OR4F15: variants seen among roughly 807,000 people sequenced by gnomAD.
OR4F15 encodes the protein olfactory receptor 4F15.
A neutral mutation model predicts 11.9 loss-of-function variants in OR4F15; 7 were observed. That is an observed-to-expected ratio of 0.59 (90% CI 0.33 to 1.10). The LOEUF (loss-of-function observed/expected upper bound fraction) is 1.10, where lower values mean the gene tolerates loss of function less well. Among genes scored for constraint, OR4F15 ranks in the 50% least tolerant of loss-of-function variants. The pLI, the probability that OR4F15 is intolerant of heterozygous loss-of-function variation, is 0.03. For synonymous variants in OR4F15, 151 were observed against 134.6 expected (o/e 1.12, Z -0.84); for missense variants, 445 against 377.5 (o/e 1.18, Z -1.48).
Position 101,818,825 on chromosome 15 carries a change from G to T in OR4F15, c.639G>T (p.Leu213Phe), listed in dbSNP as rs761079285. Residue 213 changes from leucine (L) to phenylalanine (F), a missense_variant, in exon 2 of 2, where the codon TTG (leucine) becomes TTT (phenylalanine). Transcript: ENST00000332238. ...SGLISVGSFV[L>F]LVISYIFILF... is the part of the protein sequence containing the mutation. The stretch of plus-strand genomic sequence containing the variant: ...TCATTTCTGTGGGCTCCTTTGTCTT[G>T]CTGGTAATTTCCTACATCTTCATTC... 1 of 1,614,076 alleles carries T rather than the reference G, an allele frequency of 6.2e-7. No individual in the cohort carries two copies. Among genetic ancestry groups the T allele is most frequent in the South Asian group, 1.1e-5 (1 of 91,074 alleles).
chr15:101,819,698 G>C lies in OR4F15; in HGVS notation c.*573G>C, dbSNP rs1473343915. On this transcript the variant is annotated 3_prime_UTR_variant, in exon 2 of 2. Coordinates refer to ENST00000332238, the MANE Select transcript of OR4F15 (RefSeq NM_001001674.2). ...CTGGCTAATTTTTGTATTTTTAGTA[G>C]AGATGGAGTTTCACCATGTTGGCCA... The C allele has an allele frequency of 6.6e-6, 1 of 152,650 alleles. No individual in the cohort carries two copies. The highest frequency in any genetic ancestry group is 1.5e-5 in the Non-Finnish European group (1 of 68,444). 9.5% of individuals were successfully genotyped at this position (152,650 alleles called of 1,614,324 possible). A position where few individuals can be genotyped will look rare whatever the true frequency, so the allele number is the denominator to read the frequency against.
intron 1 of OR4F15, among the ~76,000 whole-genome samples, chr15:101,816,407 A>T (rs1273782828): frequency 1.3e-5 from 2 of 152,172 alleles, no homozygotes; most frequent in Non-Finnish European, 2.9e-5. Context: ...CCTTGATTTT[A>T]GCTCTGAAAA....
chr15:101,817,025 G>A (rs1567111737), intron 1 of OR4F15, among the ~76,000 whole-genome samples: 1 of 152,058 alleles, frequency 6.6e-6, no homozygotes, highest in African/African-American at 2.4e-5. Flanking sequence ...GTATCCTCTA[G>A]GGGTGTATTA....
chr15:101,818,813 C>G lies in OR4F15; in HGVS notation c.627C>G (p.Gly209=). ...TCAATAGTGGACTCATTTCTGTGGGCTCCTTTGTCTTGCTGGTAATTTCCT... is the reference window on the plus strand; with the variant it reads ...TCAATAGTGGACTCATTTCTGTGGGGTCCTTTGTCTTGCTGGTAATTTCCT... ...VTVNSGLISV[G]SFVLLVISYI... The change falls in exon 2 of 2, where the codon GGC becomes GGG. Residue 209 remains glycine, a synonymous_variant. Coordinates refer to ENST00000332238, the MANE Select transcript of OR4F15 (RefSeq NM_001001674.2). The G allele has an allele frequency of 6.2e-7, 1 of 1,614,082 alleles. No homozygotes were observed. The highest frequency in any genetic ancestry group is 1.3e-5 in the African/African-American group (1 of 75,018).
In OR4F15 at chr15:101,819,251, A is replaced by T. The variant is rs1903061794; in HGVS notation, c.*126A>T. 2.2e-5 allele frequency: 14 copies of T among 635,838 alleles called. No individual in the cohort carries two copies. In the South Asian group the frequency reaches 2.8e-4, roughly 13 times the overall value. The allele number at this position is 635,838 out of a possible 1,614,324, so 39.4% of individuals were successfully genotyped here. ...TATATGCCTGAAAATTTATGAAATC[A>T]TGGTAACAATTTCACCATTAAATTA... is the stretch of plus-strand genomic sequence containing the variant. On this transcript the variant is annotated 3_prime_UTR_variant, in exon 2 of 2. Coordinates refer to ENST00000332238, the MANE Select transcript of OR4F15 (RefSeq NM_001001674.2).
At chr15:101,814,117 C>A (rs1272751933) in intron 1 of OR4F15, among the ~76,000 whole-genome samples, 1 of 152,188 alleles carries the variant, frequency 6.6e-6, no homozygotes, top group Non-Finnish European at 1.5e-5. Context: ...ATTTTTAGAT[C>A]TGCTGCCATT....
Position 101,818,588 on chromosome 15 carries a change from C to A in OR4F15, c.402C>A (p.Thr134=), listed in dbSNP as rs769715733. 1 of 1,614,200 alleles carries A rather than the reference C, an allele frequency of 6.2e-7. No homozygotes were observed. The highest frequency in any genetic ancestry group is 8.5e-7 in the Non-Finnish European group (1 of 1,180,044). ...TATGTAAACCTCTCCACTACCTGACCATCATGAGCCCAAGAATGTGTCTAT... is the reference window on the plus strand; with the variant it reads ...TATGTAAACCTCTCCACTACCTGACAATCATGAGCCCAAGAATGTGTCTAT... ...MAICKPLHYL[T]IMSPRMCLYF... is the part of the protein sequence containing the mutation. Residue 134 remains threonine (T), a synonymous_variant, in exon 2 of 2, where the codon ACC becomes ACA. Transcript: ENST00000332238.
chr15:101,816,334 C>G (rs1313010420), intron 1 of OR4F15, among the ~76,000 whole-genome samples: 1 of 152,070 alleles, frequency 6.6e-6, no homozygotes, highest in African/African-American at 2.4e-5. Flanking sequence ...CCTCTAGAAG[C>G]TGGAAAAGGC....
chr15:101,813,716 G>T (rs939510274), intron 1 of OR4F15, among the ~76,000 whole-genome samples: 6 of 152,126 alleles, frequency 3.9e-5, no homozygotes, highest in Non-Finnish European at 7.3e-5. Context: ...AAAATGTAGT[G>T]ATCATAAATC....
intron 1 of OR4F15, among the ~76,000 whole-genome samples, chr15:101,816,456 G>C (rs1347175211): frequency 6.6e-6 from 1 of 151,942 alleles, no homozygotes; most frequent in East Asian, 1.9e-4. Flanking sequence ...CTCATCTTAG[G>C]CTTCTTTACT....
In OR4F15 at chr15:101,819,117, A is replaced by T; in HGVS notation, c.931A>T (p.Ile311Phe). 1 of 1,594,988 alleles carries T rather than the reference A, an allele frequency of 6.3e-7. No homozygotes were observed. Among genetic ancestry groups the T allele is most frequent in the South Asian group, 1.1e-5 (1 of 88,992 alleles). Residue 311 changes from isoleucine to phenylalanine, a missense_variant, in exon 2 of 2, where the codon ATT (isoleucine) becomes TTT (phenylalanine). Coordinates refer to ENST00000332238, the MANE Select transcript of OR4F15 (RefSeq NM_001001674.2). ...LCSRLAHFTK[I>F]L ...CAGTCGTCTTGCGCATTTTACAAAG[A>T]TTTTGTAAATGGCTTGGCTGTCAAG... is the stretch of plus-strand genomic sequence containing the variant.
At position 101,819,070 on chromosome 15, in the gene OR4F15, A is replaced by C; in HGVS notation, c.884A>C (p.Lys295Thr). Residue 295 changes from lysine to threonine, a missense_variant, in exon 2 of 2, where the codon AAA (lysine) becomes ACA (threonine). By Grantham distance (78) the Lys-to-Thr change is moderately conservative. Transcript: ENST00000332238. The part of the protein sequence containing the change: ...VIYTFRNKDM[K>T]VAMRRLCSRL... ...TACACATTCAGGAACAAAGACATGA[A>C]AGTGGCAATGAGGAGACTGTGCAGT... is the stretch of plus-strand genomic sequence containing the variant. The C allele has an allele frequency of 6.2e-7, 1 of 1,613,984 alleles. No individual in the cohort carries two copies. Among genetic ancestry groups the C allele is most frequent in the Middle Eastern group, 1.7e-4 (1 of 6,060 alleles).
chr15:101,813,562 T>C (rs939588337), intron 1 of OR4F15, among the ~76,000 whole-genome samples: 4 of 151,156 alleles, frequency 2.6e-5, no homozygotes, highest in Non-Finnish European at 2.9e-5. Context: ...AAGAAATATA[T>C]TTTTGAACCT....
intron 1 of OR4F15, among the ~76,000 whole-genome samples, chr15:101,815,179 C>G (rs1902967750): frequency 1.3e-5 from 2 of 152,076 alleles, no homozygotes; most frequent in Admixed American, 1.3e-4. Flanking sequence ...CTCTGATAAC[C>G]TTAGATTCTC....
rs1903067277 is a variant in OR4F15, at chr15:101,819,540, T to A, written c.*415T>A. The A allele has an allele frequency of 6.3e-6, 1 of 159,434 alleles. No homozygotes were observed. Among genetic ancestry groups the A allele is most frequent in the Non-Finnish European group, 1.4e-5 (1 of 72,534 alleles). 9.9% of individuals were successfully genotyped at this position (159,434 alleles called of 1,614,324 possible). ...TTACTTATTTGAGTTGGAGTCTCGC[T>A]CTGTCACCCAGGCTAGAGTGCAATG... On this transcript the variant is annotated 3_prime_UTR_variant, in exon 2 of 2. Transcript: ENST00000332238.
chr15:101,815,154 T>C (rs1239583107), intron 1 of OR4F15, among the ~76,000 whole-genome samples: 1 of 152,192 alleles, frequency 6.6e-6, no homozygotes, highest in Non-Finnish European at 1.5e-5. Context: ...TTTGCACAAC[T>C]CTTACTTAAA....
chr15:101,818,876 T>C lies in OR4F15; in HGVS notation c.690T>C (p.Ser230=). 1 of 1,614,172 alleles carries C rather than the reference T, an allele frequency of 6.2e-7. No individual in the cohort carries two copies. Among genetic ancestry groups the C allele is most frequent in the East Asian group, 2.2e-5 (1 of 44,888 alleles). The part of the protein sequence containing the change: ...FILFTVWKHS[S]GGLAKALSTL... ...TGTTCACTGTTTGGAAACATTCTTC[T>C]GGTGGTCTAGCCAAGGCCCTCTCTA... The change falls in exon 2 of 2, where the codon TCT becomes TCC. Residue 230 remains serine, a synonymous_variant. Transcript: ENST00000332238.
At position 101,818,316 on chromosome 15, in the gene OR4F15, G is replaced by C; in HGVS notation, c.130G>C (p.Val44Leu). 3 of 1,614,064 alleles carry C rather than the reference G, an allele frequency of 1.9e-6. No individual in the cohort carries two copies. Among genetic ancestry groups the C allele is most frequent in the Non-Finnish European group, 2.5e-6 (3 of 1,179,948 alleles). Residue 44 changes from valine (V) to leucine (L), a missense_variant, in exon 2 of 2, where the codon GTC becomes CTC. Transcript: ENST00000332238. Reference protein sequence around the residue: ...FYFASMMGNLVIVFTVTMDAH... With the variant: ...FYFASMMGNLLIVFTVTMDAH... ...CTTTGCGAGCATGATGGGAAACCTT[G>C]TCATTGTATTCACTGTAACCATGGA...
In OR4F15 at chr15:101,815,869, A is replaced by G. The variant is rs764012618; in HGVS notation, c.-37-2281A>G. Among the ~76,000 whole-genome samples the G allele has an allele frequency of 7.5e-4, 114 of 152,258 alleles. 1 individual carries two copies. Among genetic ancestry groups the G allele is most frequent in the Non-Finnish European group, 1.4e-3 (95 of 68,008 alleles). On this transcript the variant is annotated intron_variant, in intron 1 of 1. Coordinates refer to ENST00000332238, the MANE Select transcript of OR4F15 (RefSeq NM_001001674.2). ...ACTAATGATCATTGTTTCCTTATTG[A>G]TAGTCATTAGTGGCCATGCTTGGTC...
Sources: allele counts gnomAD v4.1 joint callset (sites outside exome capture counted in the v4.1 genomes callset), GRCh38; gene constraint gnomAD v4.1.1; transcripts MANE v1.5; gene names NCBI Gene and HGNC (gene_info 2026-07-23, HGNC 2026-07-21).